Variants in RSRC1 observed in about 807,000 individuals in gnomAD.
The protein encoded by RSRC1 is serine/Arginine-related protein 53.
Under a neutral mutation model 49.1 loss-of-function variants are expected in RSRC1, and 39 were observed. The observed-to-expected ratio is 0.79, with a 90% CI of 0.61 to 1.04. The LOEUF (loss-of-function observed/expected upper bound fraction) is 1.04, where lower values mean the gene tolerates loss of function less well. Among genes scored for constraint, RSRC1 ranks in the 50% least tolerant of loss-of-function variants. The probability of loss-of-function intolerance (pLI) is 0.00; values close to 1 mark genes in which losing one functional copy is unlikely to be tolerated. For missense variants in RSRC1, 388 were observed against 402.4 expected, an observed-to-expected ratio of 0.96 and a Z score of 0.31; for synonymous variants, 143 against 130.8, an observed-to-expected ratio of 1.09 and a Z score of -0.63.
At chr3:158,542,523 A>T (rs1253155916) in intron 8 of RSRC1, among the ~76,000 whole-genome samples, 1 of 152,258 alleles carries the variant, frequency 6.6e-6, no homozygotes, top group Non-Finnish European at 1.5e-5. Context: ...TGACAGAGTA[A>T]GACTCTGTCT....
At chr3:158,241,461 T>G (rs974732137) in intron 4 of RSRC1, among the ~76,000 whole-genome samples, 1 of 150,812 alleles carries the variant, frequency 6.6e-6, no homozygotes, top group African/African-American at 2.4e-5. Context: ...GTCTCAAAAA[T>G]ATATATATAT....
chr3:158,345,537 C>A (rs1487195310), intron 5 of RSRC1, among the ~76,000 whole-genome samples: 1 of 151,894 alleles, frequency 6.6e-6, no homozygotes, highest in Non-Finnish European at 1.5e-5. Context: ...TCCCAGCAGG[C>A]CTTTAAACAA....
At chr3:158,334,959 A>G (rs1364239655) in intron 5 of RSRC1, among the ~76,000 whole-genome samples, 1 of 151,994 alleles carries the variant, frequency 6.6e-6, no homozygotes, top group Non-Finnish European at 1.5e-5. Context: ...TTTTTTTCCT[A>G]TCTCTTTGCC....
chr3:158,327,712 A>G (rs968193245), intron 5 of RSRC1, among the ~76,000 whole-genome samples: 2 of 152,100 alleles, frequency 1.3e-5, no homozygotes, highest in Admixed American at 1.3e-4. Context: ...TATTCTGTTG[A>G]TTTGGGGTGG....
chr3:158,173,410 C>T (rs910290772), intron 3 of RSRC1, among the ~76,000 whole-genome samples: 6 of 152,018 alleles, frequency 3.9e-5, no homozygotes, highest in East Asian at 1.9e-4. Context: ...AAGCACAGTT[C>T]GTTGTTATTA....
chr3:158,140,308 C>T (rs184748104), intron 3 of RSRC1, among the ~76,000 whole-genome samples: 110 of 152,292 alleles, frequency 7.2e-4, no homozygotes, highest in African/African-American at 2.5e-3. Flanking sequence ...CCCTTACCTT[C>T]CTAAAAATTT....
intron 3 of RSRC1, among the ~76,000 whole-genome samples, chr3:158,146,014 T>C (rs1033108331): frequency 6.2e-4 from 95 of 152,344 alleles, no homozygotes; most frequent in African/African-American, 2.2e-3. Flanking sequence ...GCTTATCAGC[T>C]TAAGGAGATT....
intron 7 of RSRC1, among the ~76,000 whole-genome samples, chr3:158,508,588 G>A (rs1739992526): frequency 6.6e-6 from 1 of 151,652 alleles, no homozygotes; most frequent in Non-Finnish European, 1.5e-5. Flanking sequence ...GTGAACTGTA[G>A]TCCAAAACTA....
intron 6 of RSRC1, among the ~76,000 whole-genome samples, chr3:158,448,577 C>T (rs566824389): frequency 6.6e-6 from 1 of 151,996 alleles, no homozygotes; most frequent in Admixed American, 6.6e-5. Flanking sequence ...CATTAGAATG[C>T]TTATGGTTCT....
chr3:158,126,759 G>T (rs1243342503), intron 3 of RSRC1, among the ~76,000 whole-genome samples: 3 of 152,080 alleles, frequency 2.0e-5, no homozygotes, highest in Admixed American at 6.5e-5. Flanking sequence ...TTCTTGTAAG[G>T]CAGGTCTGGT....
intron 6 of RSRC1, among the ~76,000 whole-genome samples, chr3:158,456,309 G>GTTTT (rs74491157): frequency 1.4e-5 from 2 of 140,640 alleles, no homozygotes; most frequent in African/African-American, 5.2e-5. Flanking sequence ...TTACGTGAGG[G>GTTTT]TTTTTTTTTT....
chr3:158,305,809 A>G (rs1178192395), intron 5 of RSRC1, among the ~76,000 whole-genome samples: 1 of 152,020 alleles, frequency 6.6e-6, no homozygotes, highest in African/African-American at 2.4e-5. Context: ...GAGTCAGAAT[A>G]TTGTGATTTT....
intron 7 of RSRC1, among the ~76,000 whole-genome samples, chr3:158,478,861 GA>G (rs1738491425): frequency 7.2e-6 from 1 of 139,410 alleles, no homozygotes; most frequent in Non-Finnish European, 1.5e-5. Context: ...TTTACTAAAA[GA>G]AATATATCTA....
intron 5 of RSRC1, among the ~76,000 whole-genome samples, chr3:158,315,656 A>G (rs1728387740): frequency 6.6e-6 from 1 of 152,188 alleles, no homozygotes. Context: ...AACAATCTTA[A>G]TTAAATGAAG....
intron 4 of RSRC1, among the ~76,000 whole-genome samples, chr3:158,235,469 A>G (rs1192435696): frequency 6.6e-6 from 1 of 152,200 alleles, no homozygotes; most frequent in Non-Finnish European, 1.5e-5. Flanking sequence ...AACAGTGCCA[A>G]TTAATTTTAA....
At chr3:158,518,116 G>GCATATATATATATATA (rs1283989660) in intron 7 of RSRC1, among the ~76,000 whole-genome samples, 5 of 80,396 alleles carry the variant, frequency 6.2e-5, no homozygotes, top group African/African-American at 3.4e-4. Flanking sequence ...GTGTGTGTGT[G>GCATATATATATATATA]TGTGTGTGTG....
At chr3:158,515,225 A>G (rs1740445360) in intron 7 of RSRC1, among the ~76,000 whole-genome samples, 1 of 152,116 alleles carries the variant, frequency 6.6e-6, no homozygotes, top group Non-Finnish European at 1.5e-5. Flanking sequence ...ATGATTTTGC[A>G]GCGGCTGATA....
chr3:158,525,958 TGTA>T (rs1439415411), intron 7 of RSRC1, among the ~76,000 whole-genome samples: 2 of 151,952 alleles, frequency 1.3e-5, no homozygotes, highest in African/African-American at 4.8e-5. Context: ...TATTGATTGT[TGTA>T]GTGGTAACAC....
intron 7 of RSRC1, among the ~76,000 whole-genome samples, chr3:158,512,427 A>G (rs919748335): frequency 1.1e-4 from 17 of 150,160 alleles, no homozygotes; most frequent in Admixed American, 4.6e-4. Context: ...ATAGTTGTAG[A>G]TATGCGGCGT....
Sources: gnomAD v4.1 joint callset for allele counts (sites outside exome capture counted in the v4.1 genomes callset) on GRCh38, gnomAD v4.1.1 for gene constraint, MANE v1.5 for transcripts, NCBI Gene and HGNC (gene_info 2026-07-23, HGNC 2026-07-21) for gene names.